Variants in MYO5A observed in about 807,000 individuals in gnomAD.
MYO5A encodes unconventional myosin-Va.
MYO5A carries 98 observed loss-of-function variants against 249.7 expected under a neutral mutation model. The ratio of observed to expected loss-of-function variants is 0.39; its 90% CI spans 0.33 to 0.46. The LOEUF is 0.46. MYO5A is among the 20% of genes least tolerant of loss of function. The pLI, the probability that MYO5A is intolerant of heterozygous loss-of-function variation, is 0.98. For synonymous variants in MYO5A, 778 were observed against 810.6 expected (o/e 0.96, Z 0.68); for missense variants, 1,696 against 2,308.8 (o/e 0.73, Z 5.44).
In MYO5A at chr15:52,314,138, G is replaced by A; in HGVS notation, c.5475C>T (p.Phe1825=). The A allele has an allele frequency of 6.2e-7, 1 of 1,609,552 alleles. No individual in the cohort carries two copies. The highest frequency in any genetic ancestry group is 8.5e-7 in the Non-Finnish European group (1 of 1,176,478). ...GAGCTCTTACCTGTATAGTACGAAT[G>A]AACGACACAGAGACTCTTTCTTCAA... ...NEFEERVSVS[F]IRTIQMRLRD... The change falls in exon 41 of 42, where the codon TTC becomes TTT. Residue 1825 remains phenylalanine, a synonymous_variant. Transcript: ENST00000399233.
chr15:52,438,107 TC>T (rs2075705020), intron 1 of MYO5A: 11 of 955,462 alleles, frequency 1.2e-5, no homozygotes, highest in Non-Finnish European at 1.4e-5. Context: ...CAGAAGGGGG[TC>T]AGTTTGAGGA....
At chr15:52,338,356 G>A (rs144362066) in intron 32 of MYO5A, among the ~76,000 whole-genome samples, 4 of 151,854 alleles carry the variant, frequency 2.6e-5, no homozygotes, top group South Asian at 2.1e-4. Context: ...ATCTTCCTTC[G>A]CTGAAAGACA....
chr15:52,314,215 G>C lies in MYO5A; in HGVS notation c.5410-12C>G. The stretch of plus-strand genomic sequence containing the variant: ...AACACTTTCACAATCTGTGAGAAAT[G>C]AAATGATCAAAGTTTTTGGCATATT... On this transcript the variant is annotated splice_polypyrimidine_tract_variant and intron_variant, in intron 40 of 41. Coordinates refer to ENST00000399233, the MANE Select transcript of MYO5A (RefSeq NM_001382347.1). 1 of 1,592,934 alleles carries C rather than the reference G, an allele frequency of 6.3e-7. No homozygotes were observed. Among genetic ancestry groups the C allele is most frequent in the Non-Finnish European group, 8.6e-7 (1 of 1,161,140 alleles).
chr15:52,370,153 T>C lies in MYO5A; in HGVS notation c.3066+16A>G, dbSNP rs757528634. ...TTTGTGTACGGAGTAGATGGGGATA[T>C]GGACATTATTCCTACCTGCTCTGTT... is the stretch of plus-strand genomic sequence containing the variant. On this transcript the variant is annotated intron_variant, in intron 22 of 41. Coordinates refer to ENST00000399233, the MANE Select transcript of MYO5A (RefSeq NM_001382347.1). 13 of 1,613,812 alleles carry C rather than the reference T, an allele frequency of 8.1e-6. No homozygotes were observed. The highest frequency in any genetic ancestry group is 1.1e-5 in the South Asian group (1 of 91,028).
At chr15:52,522,843 A>T (rs1021402467) in intron 1 of MYO5A, among the ~76,000 whole-genome samples, 113 of 4,330 alleles carry the variant, frequency 0.026, no homozygotes, top group South Asian at 0.5. Flanking sequence ...TCATTATTTA[A>T]AAAAAAAAAA....
Position 52,437,594 on chromosome 15 carries a change from CAAA to C in MYO5A, c.28-4312_28-4310del, listed in dbSNP as rs57299562. 4.7e-3 allele frequency among the ~76,000 whole-genome samples: 346 copies of C among 73,878 alleles called. 2 individuals carry two copies. Among genetic ancestry groups the C allele is most frequent in the African/African-American group, 0.015 (300 of 20,182 alleles). 48.5% of individuals were successfully genotyped at this position (73,878 alleles called of 152,430 possible). ...TGGGCAACAGAGCAAGACTCCATCT[CAAA>C]AAAAAAAAAAAAAAAAAAAGAGAGA... On this transcript the variant is annotated intron_variant, in intron 1 of 41. Transcript: ENST00000399233.
chr15:52,328,023 A>G lies in MYO5A; in HGVS notation c.4556-17T>C, dbSNP rs200259744. On this transcript the variant is annotated splice_polypyrimidine_tract_variant and intron_variant, in intron 35 of 41. Coordinates refer to ENST00000399233, the MANE Select transcript of MYO5A (RefSeq NM_001382347.1). ...GCTTCAGTTCTAAAAAAGAAAAAATAATAATTTTATATAACATGGAAAATT... is the reference window on the plus strand; with the variant it reads ...GCTTCAGTTCTAAAAAAGAAAAAATGATAATTTTATATAACATGGAAAATT... 4.2e-5 allele frequency: 67 copies of G among 1,601,294 alleles called. No homozygotes were observed. In the African/African-American group the frequency reaches 8.2e-4, roughly 20 times the overall value.
chr15:52,332,620 T>C (rs1390664490), intron 34 of MYO5A, among the ~76,000 whole-genome samples: 2 of 152,156 alleles, frequency 1.3e-5, no homozygotes, highest in Non-Finnish European at 2.9e-5. Flanking sequence ...GAAATTTAGA[T>C]GTCAGTTCAA....
intron 24 of MYO5A, among the ~76,000 whole-genome samples, chr15:52,363,523 T>C (rs1342588534): frequency 3.3e-5 from 5 of 152,222 alleles, no homozygotes; most frequent in South Asian, 4.1e-4. Context: ...ATCTTTTGTA[T>C]TACACAATCT....
At chr15:52,490,095 T>G (rs1251757333) in intron 1 of MYO5A, among the ~76,000 whole-genome samples, 1 of 152,182 alleles carries the variant, frequency 6.6e-6, no homozygotes, top group South Asian at 2.1e-4. Flanking sequence ...GTGGAGAAAT[T>G]AGAACGATTG....
intron 19 of MYO5A, among the ~76,000 whole-genome samples, chr15:52,375,675 T>C (rs2041374005): frequency 6.6e-6 from 1 of 152,256 alleles, no homozygotes; most frequent in South Asian, 2.1e-4. Flanking sequence ...TTATCTCATT[T>C]GAGCCCTCCC....
intron 34 of MYO5A, among the ~76,000 whole-genome samples, chr15:52,335,727 T>A (rs180703272): frequency 1.8e-3 from 281 of 152,274 alleles, no homozygotes; most frequent in African/African-American, 6.5e-3. Context: ...GAGATGTTTT[T>A]AAAAATCTTA....
rs1058219 is a variant in MYO5A at position 52,351,367 on chromosome 15, G to A, written c.3736C>T (p.Arg1246Cys). The change falls in exon 28 of 42, where the codon CGT (arginine) becomes TGT (cysteine). Residue 1246 changes from arginine to cysteine, a missense_variant. Arg to Cys is a radical substitution (Grantham distance 180, BLOSUM62 -3). Transcript: ENST00000399233. ...GAGGTCAGCTGCTCCATGAGGACAC[G>A]GTAGGCAGGTGCACCTGGGGCGGTC... Reference protein sequence around the residue: ...EVTAPGAPAYRVLMEQLTSVS... With the variant: ...EVTAPGAPAYCVLMEQLTSVS... 0.16 allele frequency: 260,674 copies of A among 1,614,020 alleles called. 21,616 individuals carry two copies. The highest frequency in any genetic ancestry group is 0.21 in the Middle Eastern group (1,251 of 6,058).
intron 18 of MYO5A, among the ~76,000 whole-genome samples, chr15:52,378,787 T>C (rs1053794060): frequency 4.6e-5 from 7 of 152,116 alleles, no homozygotes; most frequent in East Asian, 3.8e-4. Context: ...TCAGTAGTTC[T>C]CAAAATATAG....
In MYO5A at chr15:52,416,266, T is replaced by C; in HGVS notation, c.491A>G (p.Glu164Gly). Residue 164 changes from glutamate to glycine, a missense_variant, in exon 5 of 42, where the codon GAG becomes GGG. Coordinates refer to ENST00000399233, the MANE Select transcript of MYO5A (RefSeq NM_001382347.1). ...TGAGACTGTTTTTCCTGCCCCAGAC[T>C]CTCCACTTACGATGATGGACTGATT... ...ERNQSIIVSG[E>G]SGAGKTVSAK... 1 of 1,614,008 alleles carries C rather than the reference T, an allele frequency of 6.2e-7. No individual in the cohort carries two copies. Among genetic ancestry groups the C allele is most frequent in the Non-Finnish European group, 8.5e-7 (1 of 1,179,948 alleles).
intron 32 of MYO5A, among the ~76,000 whole-genome samples, chr15:52,339,298 A>G (rs2041121547): frequency 1.3e-5 from 2 of 152,236 alleles, no homozygotes; most frequent in African/African-American, 2.4e-5. Flanking sequence ...ATTTTATTAT[A>G]GGTCATTAAA....
chr15:52,406,851 G>T (rs1055541384), intron 8 of MYO5A, among the ~76,000 whole-genome samples: 1 of 152,146 alleles, frequency 6.6e-6, no homozygotes, highest in African/African-American at 2.4e-5. Flanking sequence ...GCCACAGAAA[G>T]ATCCCCAAAA....
At chr15:52,371,161 T>C (rs1044200815) in intron 21 of MYO5A, among the ~76,000 whole-genome samples, 1 of 151,738 alleles carries the variant, frequency 6.6e-6, no homozygotes, top group Non-Finnish European at 1.5e-5. Context: ...ACACACACGT[T>C]TCTCACAAAT....
intron 29 of MYO5A, among the ~76,000 whole-genome samples, 173 bp downstream of exon 29, chr15:52,348,645 T>C (rs1422252787): frequency 6.6e-6 from 1 of 152,202 alleles, no homozygotes; most frequent in South Asian, 2.1e-4. Flanking sequence ...AACCACTGTT[T>C]CCCTACTGAC....
Sources: allele counts gnomAD v4.1 joint callset (sites outside exome capture counted in the v4.1 genomes callset), GRCh38; gene constraint gnomAD v4.1.1; transcripts MANE v1.5; gene names NCBI Gene and HGNC (gene_info 2026-07-23, HGNC 2026-07-21).